COL5A2: variants seen among roughly 807,000 people sequenced by gnomAD.
COL5A2 encodes collagen alpha-2(V) chain.
In COL5A2, 23 loss-of-function variants were observed where a neutral mutation model predicts 208.2. The observed-to-expected ratio is 0.11, with a 90% CI of 0.08 to 0.16. The LOEUF is 0.16. COL5A2 is among the 10% of genes least tolerant of loss of function. The pLI, the probability that COL5A2 is intolerant of heterozygous loss-of-function variation, is 1.00. For missense variants in COL5A2, 1,590 were observed against 1,956.4 expected, an observed-to-expected ratio of 0.81 and a Z score of 3.53; for synonymous variants, 625 against 628.5, an observed-to-expected ratio of 0.99 and a Z score of 0.08.
At chr2:189,163,476 A>G (rs887460851) in intron 1 of COL5A2, among the ~76,000 whole-genome samples, 1 of 152,244 alleles carries the variant, frequency 6.6e-6, no homozygotes, top group Non-Finnish European at 1.5e-5. Context: ...TTTTACAATC[A>G]TCTTTTATAA....
upstream of COL5A2, among the ~76,000 whole-genome samples, chr2:189,183,027 A>G (rs533328916): frequency 6.6e-6 from 1 of 152,300 alleles, no homozygotes; most frequent in Non-Finnish European, 1.5e-5. Flanking sequence ...TAAAAAAAGA[A>G]GGGGAGGTTT....
intron 1 of COL5A2, among the ~76,000 whole-genome samples, chr2:189,204,702 T>C (rs1689122012): frequency 6.6e-6 from 1 of 152,216 alleles, no homozygotes; most frequent in Admixed American, 6.5e-5. Flanking sequence ...ACAGGTTCCA[T>C]CCTGTGGCTT....
intron 1 of COL5A2, among the ~76,000 whole-genome samples, chr2:189,143,971 AAT>A (rs1281584683): frequency 6.6e-6 from 1 of 152,162 alleles, no homozygotes; most frequent in African/African-American, 2.4e-5. Context: ...AATGAAGATT[AAT>A]ATATTGAGAT....
At chr2:189,254,204 A>G in the COL5A2 span, among the ~76,000 whole-genome samples, 1 of 152,368 alleles carries the variant, frequency 6.6e-6, no homozygotes, top group Non-Finnish European at 1.5e-5. Flanking sequence ...TCCAAAAAGT[A>G]AAACTCAAAT....
the COL5A2 span, among the ~76,000 whole-genome samples, chr2:189,270,928 A>G: frequency 2.0e-5 from 3 of 152,140 alleles, no homozygotes; most frequent in Non-Finnish European, 4.4e-5. Flanking sequence ...AGAATAAAAT[A>G]CCTAGGAATA....
chr2:189,068,721 T>C, intron 19 of COL5A2, 65 bp downstream of exon 19: 13 of 1,145,574 alleles, frequency 1.1e-5, no homozygotes, highest in Admixed American at 1.7e-5. Flanking sequence ...TAGGTTGAAT[T>C]TGTTCTGATG....
At chr2:189,313,861 T>C in the COL5A2 span, among the ~76,000 whole-genome samples, 1 of 152,150 alleles carries the variant, frequency 6.6e-6, no homozygotes, top group Non-Finnish European at 1.5e-5. Context: ...CATTACATAA[T>C]GGTAAAGGGT....
At chr2:189,376,079 T>G in the COL5A2 span, among the ~76,000 whole-genome samples, 2 of 152,224 alleles carry the variant, frequency 1.3e-5, no homozygotes, top group South Asian at 4.1e-4. Flanking sequence ...CAGGAAAATA[T>G]GACACCTTGT....
At chr2:189,184,437 T>A (rs1688821470), upstream of COL5A2, among the ~76,000 whole-genome samples, 4 of 152,196 alleles carry the variant, frequency 2.6e-5, no homozygotes, top group Admixed American at 2.6e-4. Flanking sequence ...AGGTCAGAAA[T>A]CTGACATGGA....
chr2:189,035,162 A>G lies in COL5A2; in HGVS notation c.4114-7T>C, dbSNP rs752704571. The G allele has an allele frequency of 6.2e-7, 1 of 1,613,818 alleles. No individual in the cohort carries two copies. Among genetic ancestry groups the G allele is most frequent in the Non-Finnish European group, 8.5e-7 (1 of 1,179,798 alleles). On this transcript the variant is annotated splice_region_variant and splice_polypyrimidine_tract_variant and intron_variant, in intron 52 of 53. Coordinates refer to ENST00000374866, the MANE Select transcript of COL5A2 (RefSeq NM_000393.5). ...GGTGGTCTCCATAAGCGAACTAGAA[A>G]AACAAAGAGTCTTTGTCATACACAA...
chr2:189,346,814 C>T, the COL5A2 span, among the ~76,000 whole-genome samples: 1 of 152,104 alleles, frequency 6.6e-6, no homozygotes, highest in Non-Finnish European at 1.5e-5. Context: ...GAGGAGCCAC[C>T]AGACCTGGTG....
At chr2:189,408,608 A>G in the COL5A2 span, among the ~76,000 whole-genome samples, 1 of 146,440 alleles carries the variant, frequency 6.8e-6, no homozygotes, top group Non-Finnish European at 1.5e-5. Context: ...TTAAAATAAC[A>G]TAAATTATAT....
At chr2:189,406,702 T>C in the COL5A2 span, among the ~76,000 whole-genome samples, 1 of 152,180 alleles carries the variant, frequency 6.6e-6, no homozygotes, top group Non-Finnish European at 1.5e-5. Flanking sequence ...ATTAAAAGCC[T>C]CTTGAACATG....
the COL5A2 span, among the ~76,000 whole-genome samples, chr2:189,369,645 GATAAAAT>G: frequency 6.6e-6 from 1 of 152,088 alleles, no homozygotes; most frequent in Non-Finnish European, 1.5e-5. Flanking sequence ...CATTTGTACT[GATAAAAT>G]TGAGAGCCAG....
At position 189,041,627 on chromosome 2, in the gene COL5A2, G is replaced by A. The variant is rs1685564435; in HGVS notation, c.3592C>T (p.Pro1198Ser). The change falls in exon 50 of 54, where the codon CCT (proline) becomes TCT (serine). Residue 1198 changes from proline (P) to serine (S), a missense_variant. Coordinates refer to ENST00000374866, the MANE Select transcript of COL5A2 (RefSeq NM_000393.5). ...GNPGPLGPIG[P>S]PGVRGSVGEA... Reference sequence around the variant, plus strand: ...CCTACACTGCCTCGTACACCTGGAGGTCCAATTGGCCCAAGTGGCCCAGGG... The same window carrying A: ...CCTACACTGCCTCGTACACCTGGAGATCCAATTGGCCCAAGTGGCCCAGGG... 3.7e-6 allele frequency: 6 copies of A among 1,614,082 alleles called. No individual in the cohort carries two copies. The South Asian group carries it at 4.4e-5, about 12-fold the overall frequency.
chr2:189,409,280 T>C, the COL5A2 span, among the ~76,000 whole-genome samples: 3 of 140,006 alleles, frequency 2.1e-5, no homozygotes, highest in Non-Finnish European at 4.6e-5. Flanking sequence ...CGCATGATCA[T>C]AGCTCATTGC....
the COL5A2 span, among the ~76,000 whole-genome samples, chr2:189,367,362 C>T: frequency 1.3e-5 from 2 of 152,182 alleles, no homozygotes; most frequent in African/African-American, 2.4e-5. Flanking sequence ...GCATGTAAAA[C>T]AGCTACATTT....
At chr2:189,345,440 C>T in the COL5A2 span, among the ~76,000 whole-genome samples, 1 of 152,064 alleles carries the variant, frequency 6.6e-6, no homozygotes, top group Non-Finnish European at 1.5e-5. Context: ...AAAATAGGAT[C>T]ATGTGGGGGA....
At chr2:189,209,006 T>C (rs1241315706) in intron 1 of COL5A2, among the ~76,000 whole-genome samples, 1 of 152,178 alleles carries the variant, frequency 6.6e-6, no homozygotes, top group African/African-American at 2.4e-5. Flanking sequence ...GAGGTACTAG[T>C]AGCATGCAGG....
Sources: gnomAD v4.1 joint callset for allele counts (sites outside exome capture counted in the v4.1 genomes callset) on GRCh38, gnomAD v4.1.1 for gene constraint, MANE v1.5 for transcripts, NCBI Gene and HGNC (gene_info 2026-07-23, HGNC 2026-07-21) for gene names.